The following MFAP3 variants were observed in gnomAD, a reference collection of about 807,000 sequenced individuals.
MFAP3 encodes the protein microfibril-associated glycoprotein 3.
MFAP3 carries 8 observed loss-of-function variants against 20.5 expected under a neutral mutation model. That is an observed-to-expected ratio of 0.39 (90% confidence interval 0.23 to 0.70). The LOEUF is 0.70. MFAP3 is among the 30% of genes least tolerant of loss of function. The probability of loss-of-function intolerance (pLI) is 0.44; values close to 1 mark genes in which losing one functional copy is unlikely to be tolerated. For missense variants in MFAP3, 398 were observed against 444.6 expected, an observed-to-expected ratio of 0.90 and a Z score of 0.94; for synonymous variants, 140 against 154.0, an observed-to-expected ratio of 0.91 and a Z score of 0.67.
chr5:154,039,233 C>T (rs1267546091), intron 1 of MFAP3: 2 of 152,142 alleles, frequency 1.3e-5, no homozygotes, highest in African/African-American at 2.4e-5. Flanking sequence ...AGTCAACGAA[C>T]GGAAGGGCCC....
rs549295557 is a variant in MFAP3 at position 154,050,816 on chromosome 5, AT to A, written c.295+800del. ...GACTACTCCTAACCAGTGTTCTGTT[AT>A]AAAGATCTTTTTGATGAGTACTTGA... On this transcript the variant is annotated intron_variant, in intron 2 of 2. Coordinates refer to ENST00000522782, the MANE Select transcript of MFAP3 (RefSeq NM_005927.5). Among the ~76,000 whole-genome samples, 475 of 152,118 alleles carry A rather than the reference AT, an allele frequency of 3.1e-3. 6 individuals are homozygous for A. The highest frequency in any genetic ancestry group is 0.011 in the African/African-American group (450 of 41,492).
intron 1 of MFAP3, among the ~76,000 whole-genome samples, chr5:154,043,909 T>C (rs1173819787): frequency 6.6e-6 from 1 of 152,134 alleles, no homozygotes; most frequent in Non-Finnish European, 1.5e-5. Context: ...AAAATAACTA[T>C]AGTATAAAGG....
At chr5:154,040,023 T>C (rs571974411) in intron 1 of MFAP3, among the ~76,000 whole-genome samples, 5 of 152,316 alleles carry the variant, frequency 3.3e-5, no homozygotes, top group African/African-American at 1.2e-4. Context: ...AAATATAAAA[T>C]GGATCATTTC....
At chr5:154,048,899 C>G (rs1773119815) in intron 1 of MFAP3, among the ~76,000 whole-genome samples, 1 of 152,174 alleles carries the variant, frequency 6.6e-6, no homozygotes. Flanking sequence ...AAAGAAAATT[C>G]TGTTGTCTAA....
chr5:154,049,647 T>A lies in MFAP3; in HGVS notation c.-76T>A. 1 of 1,411,412 alleles carries A rather than the reference T, an allele frequency of 7.1e-7. No homozygotes were observed. Among genetic ancestry groups the A allele is most frequent in the Non-Finnish European group, 9.7e-7 (1 of 1,035,858 alleles). 87.4% of individuals were successfully genotyped at this position (1,411,412 alleles called of 1,614,324 possible). ...AAAATTTCTCTACCAAGCAATAAAT[T>A]ACCCGCTGTGCTTTTGTTGTAGTGT... On this transcript the variant is annotated 5_prime_UTR_variant, in exon 2 of 3. Transcript: ENST00000522782.
Position 154,053,336 on chromosome 5 carries a change from AGT to A in MFAP3, c.715_716del (p.Val239ProfsTer14). 6.2e-7 allele frequency: 1 copy of A among 1,614,100 alleles called. No individual in the cohort carries two copies. On this transcript the variant is annotated frameshift_variant, in exon 3 of 3. Coordinates refer to ENST00000522782, the MANE Select transcript of MFAP3 (RefSeq NM_005927.5). LOFTEE classifies it high-confidence loss of function. Reference sequence around the variant, plus strand: ...TCGTTATATTGAAGAACTGGCAAGAAGTGTCCCTCTTCCACCTCTTATTCTAA... The same window carrying A: ...TCGTTATATTGAAGAACTGGCAAGAAGTCCCTCTTCCACCTCTTATTCTAA... Reference protein sequence around the residue: ...FARYIEELARSVPLPPLILNC... With the variant: ...FARYIEELARXVPLPPLILNC...
rs1331653464 is a variant in MFAP3 at position 154,053,084 on chromosome 5, G to A, written c.460G>A (p.Val154Ile). ...SGDMSVYYMI[V>I]CLIAFTITLI... ...AGACATGAGTGTCTATTACATGATT[G>A]TTTGCCTGATTGCCTTTACAATCAC... The change falls in exon 3 of 3, where the codon GTT (valine) becomes ATT (isoleucine). Residue 154 changes from valine (V) to isoleucine (I), a missense_variant. Transcript: ENST00000522782. 1.2e-6 allele frequency: 2 copies of A among 1,613,700 alleles called. No homozygotes were observed. Among genetic ancestry groups the A allele is most frequent in the Non-Finnish European group, 1.7e-6 (2 of 1,179,894 alleles).
chr5:154,045,250 A>G (rs1773049525), intron 1 of MFAP3, among the ~76,000 whole-genome samples: 1 of 152,176 alleles, frequency 6.6e-6, no homozygotes, highest in South Asian at 2.1e-4. Context: ...CCAAGAAGAT[A>G]GGGATAGGGC....
At chr5:154,046,031 C>T (rs1195629680) in intron 1 of MFAP3, among the ~76,000 whole-genome samples, 1 of 152,134 alleles carries the variant, frequency 6.6e-6, no homozygotes, top group African/African-American at 2.4e-5. Flanking sequence ...AATTCCAAGG[C>T]GCAAACACAG....
In MFAP3 at chr5:154,057,084, A is replaced by G. The variant is rs1031907562; in HGVS notation, c.*3371A>G. On this transcript the variant is annotated 3_prime_UTR_variant, in exon 3 of 3. Coordinates refer to ENST00000522782, the MANE Select transcript of MFAP3 (RefSeq NM_005927.5). ...CAGACTTTTGTCTCTTGGGTCCCAG[A>G]TGGCACAGGAGCACTGCATGCTTGT... is the stretch of plus-strand genomic sequence containing the variant. Among the ~76,000 whole-genome samples the G allele has an allele frequency of 2.0e-5, 3 of 152,172 alleles. No individual in the cohort carries two copies. Among genetic ancestry groups the G allele is most frequent in the African/African-American group, 7.2e-5 (3 of 41,418 alleles).
intron 1 of MFAP3, among the ~76,000 whole-genome samples, chr5:154,039,641 T>G (rs1164252853): frequency 2.0e-5 from 3 of 152,170 alleles, no homozygotes; most frequent in African/African-American, 7.2e-5. Flanking sequence ...ATGATCTGAT[T>G]TATGACTCTA....
chr5:154,050,098 T>A, intron 2 of MFAP3, 81 bp downstream of exon 2: 1 of 1,467,320 alleles, frequency 6.8e-7, no homozygotes, highest in Non-Finnish European at 9.1e-7. Flanking sequence ...AAACAAAAAG[T>A]CTCAAAGATA....
chr5:154,056,831 C>T lies in MFAP3; in HGVS notation c.*3118C>T, dbSNP rs1375570107. The stretch of plus-strand genomic sequence containing the variant: ...TGTTACGATGGTTTAATTCTTGAGT[C>T]AGGGCCAGCACGCATTTATATTTTC... On this transcript the variant is annotated 3_prime_UTR_variant, in exon 3 of 3. Coordinates refer to ENST00000522782, the MANE Select transcript of MFAP3 (RefSeq NM_005927.5). Among the ~76,000 whole-genome samples the T allele has an allele frequency of 6.6e-6, 1 of 152,172 alleles. No homozygotes were observed. The highest frequency in any genetic ancestry group is 1.9e-4 in the East Asian group (1 of 5,204).
chr5:154,053,544 A>G lies in MFAP3; in HGVS notation c.920A>G (p.Glu307Gly), dbSNP rs966942183. Residue 307 changes from glutamate to glycine, a missense_variant, in exon 3 of 3, where the codon GAA becomes GGA. By Grantham distance (98) the Glu-to-Gly change is moderately conservative. Transcript: ENST00000522782. Reference protein sequence around the residue: ...GGDSDDGSLNEQGQEIAVQVS... With the variant: ...GGDSDDGSLNGQGQEIAVQVS... ...GATTCAGATGATGGCTCTCTGAATG[A>G]ACAAGGCCAGGAAATAGCAGTTCAG... The G allele has an allele frequency of 1.2e-6, 2 of 1,613,832 alleles. No individual in the cohort carries two copies. The highest frequency in any genetic ancestry group is 1.7e-6 in the Non-Finnish European group (2 of 1,179,968).
Position 154,053,923 on chromosome 5 carries a change from A to G in MFAP3, c.*210A>G, listed in dbSNP as rs1215779619. The stretch of plus-strand genomic sequence containing the variant: ...TTTCAGTCATTTTCCTTAGAGCTTT[A>G]TTAAATTATGCATGCTAAGATTTAA... On this transcript the variant is annotated 3_prime_UTR_variant, in exon 3 of 3. Coordinates refer to ENST00000522782, the MANE Select transcript of MFAP3 (RefSeq NM_005927.5). 5.6e-6 allele frequency: 3 copies of G among 531,062 alleles called. No homozygotes were observed. Among genetic ancestry groups the G allele is most frequent in the African/African-American group, 1.9e-5 (1 of 52,496 alleles). 32.9% of individuals were successfully genotyped at this position (531,062 alleles called of 1,614,324 possible).
At chr5:154,047,468 A>G (rs1391549926) in intron 1 of MFAP3, among the ~76,000 whole-genome samples, 1 of 152,144 alleles carries the variant, frequency 6.6e-6, no homozygotes, top group Non-Finnish European at 1.5e-5. Context: ...GCAGGTTAAG[A>G]AATGAGGTGG....
In MFAP3 at chr5:154,053,420, GA is replaced by G. The variant is rs1561591940; in HGVS notation, c.797del (p.Asp266AlafsTer12). On this transcript the variant is annotated frameshift_variant, in exon 3 of 3. Transcript: ENST00000522782. LOFTEE classifies it high-confidence loss of function. Reference sequence around the variant, plus strand: ...GGCTGTGCGAGTGGACGACCCTGATGACCTGGGTGAAAGAATTAAAGAGAGA... The same window carrying G: ...GGCTGTGCGAGTGGACGACCCTGATGCCTGGGTGAAAGAATTAAAGAGAGA... ...FEAVRVDDPD[D>X]LGERIKERPA... 1 of 1,613,988 alleles carries G rather than the reference GA, an allele frequency of 6.2e-7. No individual in the cohort carries two copies. The highest frequency in any genetic ancestry group is 2.2e-5 in the East Asian group (1 of 44,876).
At chr5:154,041,664 A>T (rs1322486741) in intron 1 of MFAP3, among the ~76,000 whole-genome samples, 1 of 152,208 alleles carries the variant, frequency 6.6e-6, no homozygotes, top group Non-Finnish European at 1.5e-5. Flanking sequence ...AGATTGTAAA[A>T]TTACCCTGAA....
rs543278918 is a variant in MFAP3, at chr5:154,049,900, G to A, written c.178G>A (p.Val60Ile). Residue 60 changes from valine (V) to isoleucine (I), a missense_variant, in exon 2 of 3, where the codon GTC becomes ATC. Transcript: ENST00000522782. Reference protein sequence around the residue: ...LSASSHSDDDVIIAKEGTSVS... With the variant: ...LSASSHSDDDIIIAKEGTSVS... ...AGCAAGTTCCCACTCGGATGATGAT[G>A]TCATCATAGCCAAAGAGGGAACTAG... is the stretch of plus-strand genomic sequence containing the variant. The A allele has an allele frequency of 2.0e-4, 317 of 1,613,620 alleles. 2 individuals are homozygous for A. The highest frequency in any genetic ancestry group is 2.7e-4 in the East Asian group (12 of 44,870).
Sources: gnomAD v4.1 joint callset for allele counts (sites outside exome capture counted in the v4.1 genomes callset) on GRCh38, gnomAD v4.1.1 for gene constraint, MANE v1.5 for transcripts, NCBI Gene and HGNC (gene_info 2026-07-23, HGNC 2026-07-21) for gene names.